The following NCOR1 variants were observed in gnomAD, a reference collection of about 807,000 sequenced individuals.
NCOR1 encodes protein phosphatase 1, regulatory subunit 109.
NCOR1 carries 63 observed loss-of-function variants against 288.1 expected under a neutral mutation model. That is an observed-to-expected ratio of 0.22 (90% confidence interval 0.18 to 0.27). The LOEUF (loss-of-function observed/expected upper bound fraction) is 0.27. Ranked by LOEUF, NCOR1 falls within the 10% of genes least tolerant of loss-of-function variation. The probability of loss-of-function intolerance (pLI) is 1.00; values close to 1 mark genes in which losing one functional copy is unlikely to be tolerated. For synonymous variants in NCOR1, 1,007 were observed against 1,065.9 expected (o/e 0.94, Z 1.08); for missense variants, 2,397 against 3,019.2 (o/e 0.79, Z 4.83).
intron 21 of NCOR1, among the ~76,000 whole-genome samples, chr17:16,094,046 T>C (rs989939053): frequency 1.3e-5 from 2 of 152,056 alleles, no homozygotes; most frequent in African/African-American, 4.8e-5. Context: ...CACAGGCGCA[T>C]GGCACCATGC....
chr17:16,133,424 C>CT (rs2153228992), intron 14 of NCOR1, among the ~76,000 whole-genome samples: 1 of 152,308 alleles, frequency 6.6e-6, no homozygotes, highest in African/African-American at 2.4e-5. Flanking sequence ...GCCATAATGG[C>CT]TGTGAGATCA....
chr17:16,183,468 G>T (rs925974507), intron 3 of NCOR1, among the ~76,000 whole-genome samples: 4 of 151,360 alleles, frequency 2.6e-5, no homozygotes, highest in African/African-American at 9.7e-5. Flanking sequence ...AGAAATCAAG[G>T]AAACAATTTA....
chr17:16,159,153 C>A (rs1482370189), intron 5 of NCOR1, among the ~76,000 whole-genome samples: 1 of 151,818 alleles, frequency 6.6e-6, no homozygotes, highest in Non-Finnish European at 1.5e-5. Flanking sequence ...GTGGCTCATG[C>A]CTGTAATCCC....
At chr17:16,038,388 ATGATG>A (rs1422684123) in intron 44 of NCOR1, among the ~76,000 whole-genome samples, 5 of 152,102 alleles carry the variant, frequency 3.3e-5, no homozygotes, top group African/African-American at 1.2e-4. Context: ...AGCATTCCGG[ATGATG>A]TGATCTGAAG....
In NCOR1 at chr17:16,070,331, C is replaced by T. The variant is rs370804623; in HGVS notation, c.4347G>A (p.Thr1449=). The change falls in exon 31 of 46, where the codon ACG becomes ACA. Residue 1449 remains threonine, a synonymous_variant. Coordinates refer to ENST00000268712, the MANE Select transcript of NCOR1 (RefSeq NM_006311.4). Reference sequence around the variant, plus strand: ...CGGAGGGGCCAGAGCTTACCACTGACGTGTGCCGGGAACGCACGGTCTCGC... The same window carrying T: ...CGGAGGGGCCAGAGCTTACCACTGATGTGTGCCGGGAACGCACGGTCTCGC... The part of the protein sequence containing the change: ...KAGETVRSRH[T]SVVSSGPSVL... 3.2e-5 allele frequency: 51 copies of T among 1,614,026 alleles called. No individual in the cohort carries two copies. Among genetic ancestry groups the T allele is most frequent in the African/African-American group, 4.0e-5 (3 of 74,918 alleles).
chr17:16,185,025 A>AG (rs1198821327), intron 3 of NCOR1, among the ~76,000 whole-genome samples: 2 of 150,964 alleles, frequency 1.3e-5, no homozygotes, highest in Middle Eastern at 3.2e-3. Context: ...AAAAAAAAAA[A>AG]AAAGGAACTA....
intron 19 of NCOR1, among the ~76,000 whole-genome samples, chr17:16,105,272 T>A (rs7211957): frequency 0.078 from 11,789 of 152,044 alleles, 677 homozygotes; most frequent in African/African-American, 0.17. Context: ...AGTACATTAG[T>A]CAGGTGTGGT....
rs780209210 is a variant in NCOR1, at chr17:16,071,550, T to G, written c.4011A>C (p.Pro1337=). The change falls in exon 30 of 46, where the codon CCA becomes CCC. Residue 1337 remains proline, a synonymous_variant. Transcript: ENST00000268712. ...AFEGAITKGK[P]YDGITTIKEM... is the part of the protein sequence containing the mutation. ...CTTTGATGGTGGTGATGCCATCATA[T>G]GGTTTTCCTTTGGTAATGGCACCTT... is the stretch of plus-strand genomic sequence containing the variant. 1.2e-6 allele frequency: 2 copies of G among 1,614,160 alleles called. No homozygotes were observed. The highest frequency in any genetic ancestry group is 1.7e-6 in the Non-Finnish European group (2 of 1,180,012).
chr17:16,175,336 C>T (rs2083930239), intron 3 of NCOR1, among the ~76,000 whole-genome samples: 1 of 151,308 alleles, frequency 6.6e-6, no homozygotes, highest in South Asian at 2.1e-4. Flanking sequence ...CTGCACAACA[C>T]AACAGTCTGG....
chr17:16,200,443 G>A (rs903023015), intron 1 of NCOR1, among the ~76,000 whole-genome samples: 1 of 134,350 alleles, frequency 7.4e-6, no homozygotes, highest in Non-Finnish European at 1.5e-5. Context: ...GTTGTAGTGA[G>A]CTGGCATCGT....
At chr17:16,137,182 T>C (rs1227609946) in intron 14 of NCOR1, 129 bp downstream of exon 14, 1 of 519,960 alleles carries the variant, frequency 1.9e-6, no homozygotes, top group Non-Finnish European at 3.4e-6. Flanking sequence ...AATTATAACA[T>C]CCTCACTAAT....
intron 3 of NCOR1, among the ~76,000 whole-genome samples, chr17:16,178,803 T>C (rs1025104564): frequency 1.3e-5 from 2 of 152,234 alleles, no homozygotes; most frequent in East Asian, 3.9e-4. Flanking sequence ...AACCAAGAAA[T>C]GTATTATATA....
chr17:16,111,007 T>C (rs2070015565), intron 18 of NCOR1, among the ~76,000 whole-genome samples: 1 of 152,210 alleles, frequency 6.6e-6, no homozygotes, highest in Admixed American at 6.5e-5. Context: ...TGTTGCTGTG[T>C]TGCCCAGACT....
intron 29 of NCOR1, 113 bp downstream of exon 29, chr17:16,072,032 T>TTA (rs1302719703): frequency 1.2e-6 from 1 of 824,466 alleles, no homozygotes; most frequent in Non-Finnish European, 1.9e-6. Flanking sequence ...AAGACTTTAA[T>TTA]ATTTCAAAAG....
chr17:16,090,676 T>C (rs984185932), intron 22 of NCOR1, among the ~76,000 whole-genome samples: 1 of 152,230 alleles, frequency 6.6e-6, no homozygotes, highest in Admixed American at 6.5e-5. Flanking sequence ...ATTATCATTC[T>C]GGTTCACATT....
chr17:16,203,148 T>C (rs1177246821), intron 1 of NCOR1, among the ~76,000 whole-genome samples: 2 of 152,078 alleles, frequency 1.3e-5, no homozygotes, highest in Non-Finnish European at 2.9e-5. Flanking sequence ...CTAACTGGGC[T>C]TCCCACTTCA....
intron 22 of NCOR1, 134 bp from the exon 23 acceptor site, chr17:16,086,576 T>C (rs2064265043): frequency 3.7e-6 from 3 of 807,296 alleles, no homozygotes; most frequent in Non-Finnish European, 5.7e-6. Flanking sequence ...TGAACATTTC[T>C]ATTTTAAATT....
At chr17:16,094,429 A>C (rs549706730) in intron 21 of NCOR1, among the ~76,000 whole-genome samples, 37 of 152,368 alleles carry the variant, frequency 2.4e-4, no homozygotes, top group African/African-American at 8.4e-4. Context: ...ACATTTTTGA[A>C]TAAAGCAAGA....
intron 4 of NCOR1, among the ~76,000 whole-genome samples, chr17:16,169,798 A>C (rs1459770691): frequency 6.6e-6 from 1 of 152,188 alleles, no homozygotes. Context: ...CATTTGTGGT[A>C]ATGTATTCAG....
Sources: allele counts gnomAD v4.1 joint callset (sites outside exome capture counted in the v4.1 genomes callset), GRCh38; gene constraint gnomAD v4.1.1; transcripts MANE v1.5; gene names NCBI Gene and HGNC (gene_info 2026-07-23, HGNC 2026-07-21).